FBXO44: variants seen among roughly 807,000 people sequenced by gnomAD.
FBXO44 encodes F-box protein 44.
Under a neutral mutation model 33.5 loss-of-function variants are expected in FBXO44, and 25 were observed. The ratio of observed to expected loss-of-function variants is 0.75; its 90% CI spans 0.54 to 1.04. The LOEUF is 1.04. FBXO44 is among the 50% of genes least tolerant of loss of function. The pLI is 0.00. For missense variants in FBXO44, 311 were observed against 344.0 expected, an observed-to-expected ratio of 0.90 and a Z score of 0.76; for synonymous variants, 147 against 152.8, an observed-to-expected ratio of 0.96 and a Z score of 0.28.
chr1:11,656,043 ATCT>A lies in FBXO44; in HGVS notation c.212_214del (p.Phe71del), dbSNP rs760957278. The A allele has an allele frequency of 1.5e-5, 24 of 1,614,006 alleles. No homozygotes were observed. In the South Asian group the frequency reaches 1.9e-4, roughly 13 times the overall value. ...GGACCAGCCCGTGGCCGACTGGAAG[ATCT>A]TCTACTTCTTACGGAGCCTGCACAG... On this transcript the variant is annotated inframe_deletion, in exon 2 of 6. Transcript: ENST00000251547.
chr1:11,661,000 T>C (rs930941124), intron 5 of FBXO44, 130 bp from the exon 6 acceptor site: 1 of 949,650 alleles, frequency 1.1e-6, no homozygotes, highest in Non-Finnish European at 1.6e-6. Flanking sequence ...CAAGACTAGT[T>C]GCAAACTCCT....
chr1:11,658,831 C>T lies in FBXO44; in HGVS notation c.584C>T (p.Pro195Leu), dbSNP rs776793625. 49 of 1,612,134 alleles carry T rather than the reference C, an allele frequency of 3.0e-5. No individual in the cohort carries two copies. The highest frequency in any genetic ancestry group is 3.8e-5 in the Non-Finnish European group (45 of 1,179,994). Residue 195 changes from proline (P) to leucine (L), a missense_variant, in exon 5 of 6, where the codon CCG (proline) becomes CTG (leucine). Physicochemically the swap from Pro to Leu is moderately conservative, Grantham distance 98 (BLOSUM62 -3). Transcript: ENST00000251547. ...HAPLGTFQPD[P>L]ATIQQKSDAK... ...CCTCTGGGGACCTTCCAGCCAGACC[C>T]GGCGACCATCCAGCAGAAGAGCGAT...
chr1:11,655,924 G>A lies in FBXO44; in HGVS notation c.89G>A (p.Cys30Tyr). ...CCCGCCCGCCAGCTGCTGCTGAACT[G>A]CCGCCTGGTCTGCAGCCTCTGGCGG... ...HVPARQLLLNCRLVCSLWRDL... is the reference protein window; with the variant it reads ...HVPARQLLLNYRLVCSLWRDL... Residue 30 changes from cysteine (C) to tyrosine (Y), a missense_variant, in exon 2 of 6, where the codon TGC (cysteine) becomes TAC (tyrosine). Physicochemically the swap from Cys to Tyr is radical, Grantham distance 194. Coordinates refer to ENST00000251547, the MANE Select transcript of FBXO44 (RefSeq NM_033182.7). 1 of 1,613,946 alleles carries A rather than the reference G, an allele frequency of 6.2e-7. No homozygotes were observed. Among genetic ancestry groups the A allele is most frequent in the Non-Finnish European group, 8.5e-7 (1 of 1,180,032 alleles).
At position 11,661,006 on chromosome 1, in the gene FBXO44, C is replaced by T; in HGVS notation, c.625-124C>T. 1.9e-6 allele frequency: 2 copies of T among 1,027,910 alleles called. No individual in the cohort carries two copies. Among genetic ancestry groups the T allele is most frequent in the Non-Finnish European group, 2.9e-6 (2 of 699,732 alleles). 63.7% of individuals were successfully genotyped at this position (1,027,910 alleles called of 1,614,324 possible). A position where few individuals can be genotyped will look rare whatever the true frequency, so the allele number is the denominator to read the frequency against. ...GGTTTGCGACAAGACTAGTTGCAAA[C>T]TCCTGGGCTCAAACAACCCTCCCAC... On this transcript the variant is annotated intron_variant, in intron 5 of 5. Transcript: ENST00000251547. This position sits in a 1 kb window ranked among gnomAD's most constrained non-coding sequence, Gnocchi z 4.4.
rs2294641 is a variant in FBXO44, at chr1:11,661,797, C to T, written c.*524C>T. The T allele has an allele frequency of 0.52, 81,072 of 155,228 alleles. 22,075 individuals carry two copies. The highest frequency in any genetic ancestry group is 0.67 in the African/African-American group (27,859 of 41,580). 9.6% of individuals were successfully genotyped at this position (155,228 alleles called of 1,614,324 possible). ...TGCCCCTGTCTGCTGCTCCCAGTCT[C>T]TCGCTCTGCCTGCCTGCTCAGAAGA... On this transcript the variant is annotated 3_prime_UTR_variant, in exon 6 of 6. Transcript: ENST00000251547. This position sits in a 1 kb window ranked among gnomAD's most constrained non-coding sequence, Gnocchi z 4.4.
Position 11,655,818 on chromosome 1 carries a change from G to A in FBXO44, c.-18G>A, listed in dbSNP as rs575662040. On this transcript the variant is annotated 5_prime_UTR_variant, in exon 2 of 6. Coordinates refer to ENST00000251547, the MANE Select transcript of FBXO44 (RefSeq NM_033182.7). ...AGCTTTTCAACAGCTACAGGAGGGT[G>A]TCCAGAAGCCACAAGCCATGGCTGT... 14 of 1,611,308 alleles carry A rather than the reference G, an allele frequency of 8.7e-6. 1 individual carries two copies. The East Asian group carries it at 3.1e-4, about 36-fold the overall frequency.
rs1366288363 is a variant in FBXO44 at position 11,662,636 on chromosome 1, T to C, written c.*1363T>C. The C allele has an allele frequency of 6.6e-6, 1 of 152,238 alleles. No homozygotes were observed. Among genetic ancestry groups the C allele is most frequent in the African/African-American group, 2.4e-5 (1 of 41,450 alleles). The allele number at this position is 152,238 out of a possible 1,614,324, so 9.4% of individuals were successfully genotyped here. A position where few individuals can be genotyped will look rare whatever the true frequency, so the allele number is the denominator to read the frequency against. ...CTCTTTGCCAACAGCTTTACGGACA[T>C]TGGATGAAGCCGAAGCATTTAGAAT... On this transcript the variant is annotated 3_prime_UTR_variant, in exon 6 of 6. Transcript: ENST00000251547.
Position 11,661,490 on chromosome 1 carries a change from G to C in FBXO44, c.*217G>C. On this transcript the variant is annotated 3_prime_UTR_variant, in exon 6 of 6. Transcript: ENST00000251547. The surrounding 1 kb of genome is among the most constrained non-coding windows in gnomAD (Gnocchi z 4.4). Reference sequence around the variant, plus strand: ...AAAGGTCTTGACCTGAATGATGGCCGGGGAAGCCTGCGTGTGCCCCTTTCA... The same window carrying C: ...AAAGGTCTTGACCTGAATGATGGCCCGGGAAGCCTGCGTGTGCCCCTTTCA... 3.3e-6 allele frequency: 2 copies of C among 599,532 alleles called. No individual in the cohort carries two copies. The highest frequency in any genetic ancestry group is 5.6e-6 in the Non-Finnish European group (2 of 359,936). 37.1% of individuals were successfully genotyped at this position (599,532 alleles called of 1,614,324 possible). A position where few individuals can be genotyped will look rare whatever the true frequency, so the allele number is the denominator to read the frequency against.
upstream of FBXO44, chr1:11,654,495 C>T: frequency 1.5e-6 from 1 of 670,020 alleles, no homozygotes; most frequent in Non-Finnish European, 2.1e-6. Flanking sequence ...CCGCCTCTGG[C>T]CCCGCGCCCG....
At chr1:11,654,616 T>C (rs902339891), upstream of FBXO44, 68 of 334,074 alleles carry the variant, frequency 2.0e-4, 1 homozygote, top group South Asian at 4.5e-3. Context: ...TGGGGAGGGG[T>C]CCGATTTGGG....
rs1417627209 is a variant in FBXO44, at chr1:11,661,990, T to C, written c.*717T>C. On this transcript the variant is annotated 3_prime_UTR_variant, in exon 6 of 6. Coordinates refer to ENST00000251547, the MANE Select transcript of FBXO44 (RefSeq NM_033182.7). The surrounding 1 kb of genome is among the most constrained non-coding windows in gnomAD (Gnocchi z 4.4). The stretch of plus-strand genomic sequence containing the variant: ...AGGACTGAGGGAATCCTGTACAGGA[T>C]GTCCCAGGGTAGATGGGGAGCAGGA... The C allele has an allele frequency of 6.6e-6, 1 of 152,316 alleles. No individual in the cohort carries two copies. The highest frequency in any genetic ancestry group is 2.4e-5 in the African/African-American group (1 of 41,436). 9.4% of individuals were successfully genotyped at this position (152,316 alleles called of 1,614,324 possible). A position where few individuals can be genotyped will look rare whatever the true frequency, so the allele number is the denominator to read the frequency against.
In FBXO44 at chr1:11,655,432, A is replaced by G. The variant is rs140521395; in HGVS notation, c.-30-374A>G. ...CTCCTCCTCCCATCATGTTCTGAGGATGGGAGAGAGGATGGTGACGGCACC... is the reference window on the plus strand; with the variant it reads ...CTCCTCCTCCCATCATGTTCTGAGGGTGGGAGAGAGGATGGTGACGGCACC... On this transcript the variant is annotated intron_variant, in intron 1 of 5. Transcript: ENST00000251547. 752 of 211,522 alleles carry G rather than the reference A, an allele frequency of 3.6e-3. 5 individuals are homozygous for G. Among genetic ancestry groups the G allele is most frequent in the Admixed American group, 7.4e-3 (144 of 19,378 alleles). The allele number at this position is 211,522 out of a possible 1,614,324, so 13.1% of individuals were successfully genotyped here.
chr1:11,654,841 G>T (rs1639653015), upstream of FBXO44: 1 of 148,632 alleles, frequency 6.7e-6, no homozygotes, highest in African/African-American at 2.4e-5. Context: ...GGCGCGGGGC[G>T]CGGGGGCGGG....
chr1:11,656,791 C>T (rs1639841949), intron 2 of FBXO44, among the ~76,000 whole-genome samples: 1 of 152,162 alleles, frequency 6.6e-6, no homozygotes, highest in Non-Finnish European at 1.5e-5. Flanking sequence ...ATTATTTCCC[C>T]AGTGACCTTT....
At chr1:11,657,571 C>A (rs571867414) in intron 2 of FBXO44, among the ~76,000 whole-genome samples, 36 of 152,254 alleles carry the variant, frequency 2.4e-4, no homozygotes, top group African/African-American at 8.4e-4. Context: ...GAAACACCAT[C>A]TCTACAAAAA....
rs762959609 is a variant in FBXO44, at chr1:11,658,787, C to T, written c.540C>T (p.Leu180=). The change falls in exon 5 of 6, where the codon CTC becomes CTT. Residue 180 remains leucine (L), a synonymous_variant. Coordinates refer to ENST00000251547, the MANE Select transcript of FBXO44 (RefSeq NM_033182.7). ...CCAAGTACCAGCTGTGCGTTCAGCT[C>T]CTGTCGTCCGCGCACGCGCCTCTGG... ...CGSKYQLCVQ[L]LSSAHAPLGT... 6.2e-7 allele frequency: 1 copy of T among 1,613,976 alleles called. No homozygotes were observed.
Position 11,661,302 on chromosome 1 carries a change from C to T in FBXO44, c.*29C>T. 6.2e-7 allele frequency: 1 copy of T among 1,613,428 alleles called. No homozygotes were observed. The highest frequency in any genetic ancestry group is 8.5e-7 in the Non-Finnish European group (1 of 1,179,522). On this transcript the variant is annotated 3_prime_UTR_variant, in exon 6 of 6. Coordinates refer to ENST00000251547, the MANE Select transcript of FBXO44 (RefSeq NM_033182.7). This position sits in a 1 kb window ranked among gnomAD's most constrained non-coding sequence, Gnocchi z 4.4. ...CCCCTGAGCCCCCATCTGCTGAACC[C>T]TGACTGGTAAACAACTGCTGTCAGA...
intron 2 of FBXO44, among the ~76,000 whole-genome samples, chr1:11,656,545 T>C (rs1257338110): frequency 1.3e-5 from 2 of 151,308 alleles, no homozygotes; most frequent in African/African-American, 4.9e-5. Context: ...CACTGCAACC[T>C]CCACCTCCTG....
rs1640194046 is a variant in FBXO44, at chr1:11,661,582, G to A, written c.*309G>A. ...CTGGGCCCCTCAGAAAGTCGAGCTT[G>A]GAGGCCAGCCTGGATCTGTCTCTCC... On this transcript the variant is annotated 3_prime_UTR_variant, in exon 6 of 6. Coordinates refer to ENST00000251547, the MANE Select transcript of FBXO44 (RefSeq NM_033182.7). This position sits in a 1 kb window ranked among gnomAD's most constrained non-coding sequence, Gnocchi z 4.4. 1 of 403,526 alleles carries A rather than the reference G, an allele frequency of 2.5e-6. No homozygotes were observed. The highest frequency in any genetic ancestry group is 4.5e-6 in the Non-Finnish European group (1 of 223,970). The allele number at this position is 403,526 out of a possible 1,614,324, so 25.0% of individuals were successfully genotyped here.
Sources: allele counts gnomAD v4.1 joint callset (sites outside exome capture counted in the v4.1 genomes callset), GRCh38; gene constraint gnomAD v4.1.1; non-coding constraint Gnocchi (gnomAD v3.1); transcripts MANE v1.5; gene names NCBI Gene and HGNC (gene_info 2026-07-23, HGNC 2026-07-21).